DTNB: variants seen among roughly 807,000 people sequenced by gnomAD.
DTNB encodes dystrobrevin beta.
In DTNB, 63 loss-of-function variants were observed where a neutral mutation model predicts 90.7. The observed-to-expected ratio is 0.69, with a 90% CI of 0.57 to 0.86. DTNB has a LOEUF of 0.86. Ranked by LOEUF, DTNB falls within the 40% of genes least tolerant of loss-of-function variation. DTNB has a pLI of 0.00. For synonymous variants in DTNB, 277 were observed against 286.7 expected, an observed-to-expected ratio of 0.97 and a Z score of 0.34; for missense variants, 744 against 807.1, an observed-to-expected ratio of 0.92 and a Z score of 0.95.
intron 4 of DTNB, among the ~76,000 whole-genome samples, chr2:25,615,228 TC>T (rs2069939022): frequency 6.6e-6 from 1 of 152,190 alleles, no homozygotes; most frequent in African/African-American, 2.4e-5. Flanking sequence ...TTCCATGCCT[TC>T]CCGAGGTGTG....
chr2:25,627,695 T>C (rs191670554), intron 4 of DTNB, among the ~76,000 whole-genome samples: 204 of 152,092 alleles, frequency 1.3e-3, no homozygotes, highest in Non-Finnish European at 1.7e-3. Context: ...AGTAAGTCAC[T>C]GTGAACCAGT....
chr2:25,444,534 CAAAA>C (rs5829977), intron 12 of DTNB, among the ~76,000 whole-genome samples: 317 of 116,324 alleles, frequency 2.7e-3, no homozygotes, highest in African/African-American at 9.1e-3. Context: ...GACTCCATCT[CAAAA>C]AAAAAAAAAA....
In DTNB at chr2:25,402,905, G is replaced by T. The variant is rs77996290; in HGVS notation, c.1576-14544C>A. 1.1e-3 allele frequency among the ~76,000 whole-genome samples: 165 copies of T among 152,340 alleles called. 5 individuals carry two copies. In the East Asian group the frequency reaches 0.031, roughly 29 times the overall value. Reference sequence around the variant, plus strand: ...GCTAAGAATTAAAGAGTGAGGGCAAGGTGTACAATTATCTTTCTTAGTAGA... The same window carrying T: ...GCTAAGAATTAAAGAGTGAGGGCAATGTGTACAATTATCTTTCTTAGTAGA... On this transcript the variant is annotated intron_variant, in intron 16 of 20. Transcript: ENST00000406818.
chr2:25,565,261 G>A (rs1158462857), intron 8 of DTNB, among the ~76,000 whole-genome samples: 2 of 151,878 alleles, frequency 1.3e-5, no homozygotes, highest in African/African-American at 4.8e-5. Context: ...TAAGAGACAG[G>A]GTCTCACTCT....
rs1271951422 is a variant in DTNB at position 25,588,421 on chromosome 2, A to G, written c.604-7595T>C. On this transcript the variant is annotated intron_variant, in intron 6 of 20. Coordinates refer to ENST00000406818, the MANE Select transcript of DTNB (RefSeq NM_021907.5). ...TCCCTCTATTGCCAGGCTGGAGTGC[A>G]GTGGCATGATCTCGGCTCACTGCAA... Among the ~76,000 whole-genome samples the G allele has an allele frequency of 2.7e-5, 4 of 150,594 alleles. No homozygotes were observed. In the East Asian group the frequency reaches 7.8e-4, roughly 29 times the overall value.
intron 12 of DTNB, among the ~76,000 whole-genome samples, chr2:25,441,420 A>G (rs1037469107): frequency 6.6e-6 from 1 of 152,156 alleles, no homozygotes; most frequent in Non-Finnish European, 1.5e-5. Flanking sequence ...CAATTTTTAC[A>G]TGTCACATTC....
At chr2:25,388,099 A>G (rs2040025671) in intron 17 of DTNB, 103 bp downstream of exon 17, 4 of 1,501,980 alleles carry the variant, frequency 2.7e-6, no homozygotes, top group Admixed American at 4.1e-5. Context: ...TGATCATTCC[A>G]AGCAAAGAGC....
At chr2:25,385,022 A>G (rs889126980) in intron 18 of DTNB, among the ~76,000 whole-genome samples, 5 of 151,570 alleles carry the variant, frequency 3.3e-5, no homozygotes, top group African/African-American at 7.3e-5. Flanking sequence ...GGGATTACAG[A>G]CATGCACCAC....
At chr2:25,572,193 C>A (rs1013921141) in intron 8 of DTNB, among the ~76,000 whole-genome samples, 1 of 152,156 alleles carries the variant, frequency 6.6e-6, no homozygotes, top group African/African-American at 2.4e-5. Flanking sequence ...CCAGGCCGGG[C>A]GCGGTGGCTC....
intron 1 of DTNB, among the ~76,000 whole-genome samples, chr2:25,669,264 A>G (rs1243132730): frequency 6.6e-6 from 1 of 152,198 alleles, no homozygotes; most frequent in Non-Finnish European, 1.5e-5. Context: ...TAAAATTGTT[A>G]TTTTTATGTT....
intron 5 of DTNB, among the ~76,000 whole-genome samples, chr2:25,606,594 A>G (rs932536511): frequency 6.6e-6 from 1 of 152,244 alleles, no homozygotes. Flanking sequence ...GGAGTTAATA[A>G]CTAATAACTG....
At chr2:25,662,972 G>A (rs2083567848) in intron 1 of DTNB, among the ~76,000 whole-genome samples, 1 of 152,072 alleles carries the variant, frequency 6.6e-6, no homozygotes, top group South Asian at 2.1e-4. Flanking sequence ...GTATACATGT[G>A]CCATGGTGGT....
chr2:25,603,225 C>T (rs2066287626), intron 5 of DTNB, among the ~76,000 whole-genome samples: 1 of 152,128 alleles, frequency 6.6e-6, no homozygotes, highest in Non-Finnish European at 1.5e-5. Flanking sequence ...ATAAATTGCA[C>T]AGTCAAATTA....
chr2:25,571,412 A>G (rs2059845203), intron 8 of DTNB, among the ~76,000 whole-genome samples: 1 of 152,130 alleles, frequency 6.6e-6, no homozygotes, highest in African/African-American at 2.4e-5. Flanking sequence ...AGTCCTTACA[A>G]TGGTCAATGG....
intron 10 of DTNB, among the ~76,000 whole-genome samples, chr2:25,479,043 G>A (rs559802): frequency 0.23 from 35,045 of 152,030 alleles, 4,808 homozygotes; most frequent in Non-Finnish European, 0.3. Flanking sequence ...TTTGCTTTGT[G>A]GGTTTTGCCT....
At chr2:25,550,434 G>A (rs891727382) in intron 8 of DTNB, among the ~76,000 whole-genome samples, 1 of 151,758 alleles carries the variant, frequency 6.6e-6, no homozygotes. Flanking sequence ...AAAAAAACAC[G>A]GTGCTATTGT....
rs949756836 is a variant in DTNB, at chr2:25,439,497, G to A, written c.1258-5502C>T. On this transcript the variant is annotated intron_variant, in intron 12 of 20. Coordinates refer to ENST00000406818, the MANE Select transcript of DTNB (RefSeq NM_021907.5). ...AGTCTGAGTGACAGAGTGAGACCCC[G>A]TCTCAAAATAATAATAGGGGAAACT... is the stretch of plus-strand genomic sequence containing the variant. Among the ~76,000 whole-genome samples, 19 of 152,214 alleles carry A rather than the reference G, an allele frequency of 1.2e-4. No homozygotes were observed. In the East Asian group the frequency reaches 2.5e-3, roughly 20 times the overall value.
chr2:25,466,763 T>C (rs1057236576), intron 10 of DTNB, among the ~76,000 whole-genome samples: 1 of 152,254 alleles, frequency 6.6e-6, no homozygotes, highest in African/African-American at 2.4e-5. Flanking sequence ...ATATGTAACG[T>C]AGGTGAAAAT....
intron 9 of DTNB, among the ~76,000 whole-genome samples, chr2:25,495,771 A>G (rs1369170017): frequency 1.3e-5 from 2 of 152,246 alleles, no homozygotes; most frequent in Non-Finnish European, 2.9e-5. Context: ...ATGATGTTAA[A>G]AAAATAAGCA....
Sources: gnomAD v4.1 joint callset for allele counts (sites outside exome capture counted in the v4.1 genomes callset) on GRCh38, gnomAD v4.1.1 for gene constraint, MANE v1.5 for transcripts, NCBI Gene and HGNC (gene_info 2026-07-23, HGNC 2026-07-21) for gene names.